Variants in PDE10A observed in about 807,000 individuals in gnomAD.
The protein encoded by PDE10A is phosphodiesterase 10A.
PDE10A carries 39 observed loss-of-function variants against 97.7 expected under a neutral mutation model. That is an observed-to-expected ratio of 0.40 (90% CI 0.31 to 0.52). The LOEUF is 0.52. Among genes scored for constraint, PDE10A ranks in the 20% least tolerant of loss-of-function variants. The pLI is 0.56. For missense variants in PDE10A, 731 were observed against 1,047.8 expected, an observed-to-expected ratio of 0.70 and a Z score of 4.17; for synonymous variants, 371 against 376.8, an observed-to-expected ratio of 0.98 and a Z score of 0.18.
intron 1 of PDE10A, among the ~76,000 whole-genome samples, chr6:165,895,774 G>T (rs1312831176): frequency 6.6e-6 from 1 of 152,224 alleles, no homozygotes; most frequent in East Asian, 1.9e-4. Context: ...CTAGAATGTT[G>T]CCTGTGAGGG....
At chr6:165,864,404 C>G (rs1264141145) in intron 1 of PDE10A, among the ~76,000 whole-genome samples, 4 of 152,210 alleles carry the variant, frequency 2.6e-5, no homozygotes, top group Non-Finnish European at 4.4e-5. Context: ...ACACTATGAT[C>G]TATCCTCCTC....
At chr6:165,566,535 T>C (rs1320997019) in intron 1 of PDE10A, among the ~76,000 whole-genome samples, 2 of 152,162 alleles carry the variant, frequency 1.3e-5, no homozygotes, top group Non-Finnish European at 2.9e-5. Flanking sequence ...TGTGGGTCAA[T>C]GTCTGGAAAT....
chr6:165,545,597 C>A (rs1045443374), intron 1 of PDE10A, among the ~76,000 whole-genome samples: 1 of 151,788 alleles, frequency 6.6e-6, no homozygotes, highest in Non-Finnish European at 1.5e-5. Context: ...ACAATCAACC[C>A]AACTGAAAAA....
chr6:165,693,772 C>T (rs567236987), intron 1 of PDE10A, among the ~76,000 whole-genome samples: 147 of 152,190 alleles, frequency 9.7e-4, no homozygotes, highest in African/African-American at 3.4e-3. Context: ...CATTCATCTC[C>T]GGGTTCATTT....
At chr6:165,817,450 A>G (rs1219286132) in intron 1 of PDE10A, among the ~76,000 whole-genome samples, 1 of 152,102 alleles carries the variant, frequency 6.6e-6, no homozygotes, top group Admixed American at 6.5e-5. Context: ...CCTACCACAT[A>G]CACACGCCTC....
Position 165,619,634 on chromosome 6 carries a change from G to GTAGTGTAGTATAGTC in PDE10A, c.865+42298_865+42312dup, listed in dbSNP as rs1333562404. Among the ~76,000 whole-genome samples, 11 of 125,378 alleles carry GTAGTGTAGTATAGTC rather than the reference G, an allele frequency of 8.8e-5. 1 individual carries two copies. The highest frequency in any genetic ancestry group is 2.6e-4 in the African/African-American group (8 of 30,732). The allele number at this position is 125,378 out of a possible 152,430, so 82.3% of individuals were successfully genotyped here. On this transcript the variant is annotated intron_variant, in intron 1 of 21. Transcript: ENST00000539869. ...GTAGTCTAGTGTACTGTAGTATAGT[G>GTAGTGTAGTATAGTC]TAGTGTAGTATAGTCTAGTGTAGTA...
chr6:165,365,254 C>T (rs1162697705), intron 18 of PDE10A, among the ~76,000 whole-genome samples: 1 of 151,998 alleles, frequency 6.6e-6, no homozygotes, highest in Non-Finnish European at 1.5e-5. Context: ...ATAATCTGTG[C>T]ATACATTTTT....
intron 1 of PDE10A, among the ~76,000 whole-genome samples, chr6:165,568,402 T>G (rs190784771): frequency 8.5e-5 from 13 of 152,302 alleles, no homozygotes; most frequent in Admixed American, 7.2e-4. Context: ...GTCAAAAATA[T>G]TAAATGGAAA....
chr6:165,647,643 TATC>T (rs1248621796), intron 1 of PDE10A, among the ~76,000 whole-genome samples: 2 of 152,182 alleles, frequency 1.3e-5, no homozygotes, highest in African/African-American at 2.4e-5. Flanking sequence ...CATTTCCTGA[TATC>T]AGCGTTTCCA....
chr6:165,486,800 G>T (rs1283488414), intron 2 of PDE10A, among the ~76,000 whole-genome samples: 1 of 152,176 alleles, frequency 6.6e-6, no homozygotes, highest in Non-Finnish European at 1.5e-5. Flanking sequence ...TATTTAACCT[G>T]TTCAATGAAA....
At chr6:165,441,204 C>A (rs1052670348) in intron 5 of PDE10A, among the ~76,000 whole-genome samples, 1 of 152,160 alleles carries the variant, frequency 6.6e-6, no homozygotes, top group Admixed American at 6.5e-5. Flanking sequence ...ATTGTCTTCT[C>A]ATCATCCAAT....
At chr6:165,538,031 T>C (rs1172314322) in intron 2 of PDE10A, among the ~76,000 whole-genome samples, 1 of 152,040 alleles carries the variant, frequency 6.6e-6, no homozygotes, top group Non-Finnish European at 1.5e-5. Context: ...CCTTCTTCCG[T>C]ATATATACTA....
chr6:165,389,860 C>T (rs1342372606), intron 16 of PDE10A, among the ~76,000 whole-genome samples: 1 of 152,078 alleles, frequency 6.6e-6, no homozygotes, highest in African/African-American at 2.4e-5. Context: ...CAATTAAATA[C>T]TTGATAAATT....
chr6:165,506,405 G>C (rs1407502424), intron 2 of PDE10A, among the ~76,000 whole-genome samples: 8 of 152,002 alleles, frequency 5.3e-5, no homozygotes, highest in African/African-American at 1.9e-4. Context: ...CTTTAAAAAT[G>C]TTGAATATTC....
intron 1 of PDE10A, among the ~76,000 whole-genome samples, chr6:165,695,033 C>T (rs778341202): frequency 6.6e-6 from 1 of 152,068 alleles, no homozygotes; most frequent in Admixed American, 6.5e-5. Flanking sequence ...AGCCACATTT[C>T]TCTAACACAT....
At chr6:165,603,938 G>C (rs1000820170) in intron 1 of PDE10A, among the ~76,000 whole-genome samples, 1 of 152,174 alleles carries the variant, frequency 6.6e-6, no homozygotes, top group African/African-American at 2.4e-5. Context: ...ATGCAAACTG[G>C]AGCTATTTCC....
chr6:165,469,745 C>T (rs2128269543), intron 3 of PDE10A, among the ~76,000 whole-genome samples: 1 of 152,230 alleles, frequency 6.6e-6, no homozygotes, highest in East Asian at 1.9e-4. Context: ...TTTCACTTTA[C>T]CTTACTGGAA....
rs200201110 is a variant in PDE10A at position 165,824,580 on chromosome 6, A to G, written c.-615+162949T>C. On this transcript the variant is annotated intron_variant, in intron 1 of 19. Coordinates refer to the PDE10A transcript ENST00000366882. ...ATGAGGCAGAAATCACTTTATTTCA[A>G]TTTTCACCTTGGAACAAAGAATGTG... Among the ~76,000 whole-genome samples the G allele has an allele frequency of 2.4e-4, 36 of 152,288 alleles. No homozygotes were observed. The East Asian group carries it at 5.8e-3, about 24-fold the overall frequency.
At chr6:165,958,474 AAGAAAGAG>A (rs1235030709) in intron 1 of PDE10A, among the ~76,000 whole-genome samples, 63 of 136,232 alleles carry the variant, frequency 4.6e-4, no homozygotes, top group African/African-American at 1.5e-3. Flanking sequence ...GAAAGAAAGA[AAGAAAGAG>A]AGAAAGAGAG....
Sources: allele counts gnomAD v4.1 joint callset (sites outside exome capture counted in the v4.1 genomes callset), GRCh38; gene constraint gnomAD v4.1.1; transcripts MANE v1.5; gene names NCBI Gene and HGNC (gene_info 2026-07-23, HGNC 2026-07-21).